Variants in NAXD observed in about 807,000 individuals in gnomAD.
NAXD encodes the protein ATP-dependent (S)-NAD(P)H-hydrate dehydratase.
Under a neutral mutation model 35.8 loss-of-function variants are expected in NAXD, and 22 were observed. The observed-to-expected ratio is 0.62, with a 90% CI of 0.44 to 0.88. NAXD has a LOEUF of 0.88. Among genes scored for constraint, NAXD ranks in the 40% least tolerant of loss-of-function variants. The pLI, the probability that NAXD is intolerant of heterozygous loss-of-function variation, is 0.00. For synonymous variants in NAXD, 189 were observed against 177.6 expected, an observed-to-expected ratio of 1.06 and a Z score of -0.51; for missense variants, 428 against 437.7, an observed-to-expected ratio of 0.98 and a Z score of 0.20.
At chr13:110,636,889 A>G (rs183149251) in intron 8 of NAXD, among the ~76,000 whole-genome samples, 1 of 152,322 alleles carries the variant, frequency 6.6e-6, no homozygotes, top group Non-Finnish European at 1.5e-5. Context: ...TGTGCTACAC[A>G]GCGGGGTCTG....
At chr13:110,624,002 CA>C (rs58510281) in intron 2 of NAXD, among the ~76,000 whole-genome samples, 21,497 of 103,128 alleles carry the variant, frequency 0.21, 1,766 homozygotes, top group Admixed American at 0.33. Context: ...AACTCTGTCT[CA>C]AAAAAAAAAA....
chr13:110,635,853 T>C (rs529280354), intron 8 of NAXD, among the ~76,000 whole-genome samples: 1 of 152,380 alleles, frequency 6.6e-6, no homozygotes, highest in East Asian at 1.9e-4. Flanking sequence ...GCCTCAGTTA[T>C]GAGAAGCAGT....
intron 5 of NAXD, among the ~76,000 whole-genome samples, chr13:110,632,020 G>A (rs78587540): frequency 0.1 from 15,967 of 152,144 alleles, 1,006 homozygotes; most frequent in Middle Eastern, 0.16. Flanking sequence ...GTCCAGAATT[G>A]GTGGGTTCTT....
intron 1 of NAXD, chr13:110,615,863 C>T: frequency 8.7e-7 from 1 of 1,148,672 alleles, no homozygotes; most frequent in Non-Finnish European, 1.1e-6. Context: ...CGCCGTGTGG[C>T]CTGCGGGGCG....
At position 110,634,785 on chromosome 13, in the gene NAXD, G is replaced by T; in HGVS notation, c.597+9G>T. 1.2e-6 allele frequency: 2 copies of T among 1,604,596 alleles called. No homozygotes were observed. The highest frequency in any genetic ancestry group is 1.3e-5 in the African/African-American group (1 of 74,874). On this transcript the variant is annotated intron_variant, in intron 7 of 9. Coordinates refer to ENST00000680254, the MANE Select transcript of NAXD (RefSeq NM_001242882.2). ...GACTGTATGACGCTGTGGTGAGTCA[G>T]TGGACCCCCTGGAGGGTAGATGCAA...
intron 1 of NAXD, among the ~76,000 whole-genome samples, chr13:110,619,033 C>T (rs898428232): frequency 2.0e-5 from 3 of 152,176 alleles, no homozygotes; most frequent in African/African-American, 7.2e-5. Flanking sequence ...GAGTGCTGGG[C>T]GACACTGGTT....
intron 5 of NAXD, among the ~76,000 whole-genome samples, chr13:110,632,613 G>A (rs933960090): frequency 6.6e-6 from 1 of 152,060 alleles, no homozygotes; most frequent in Non-Finnish European, 1.5e-5. Context: ...GGTTCTCCAA[G>A]GCCCCACCAG....
intron 5 of NAXD, among the ~76,000 whole-genome samples, chr13:110,633,836 G>A (rs61970489): frequency 0.11 from 17,059 of 151,406 alleles, 1,060 homozygotes; most frequent in Middle Eastern, 0.16. Flanking sequence ...GTTTATTATT[G>A]TTGTTATTTT....
Position 110,625,224 on chromosome 13 carries a change from C to G in NAXD, c.278C>G (p.Ala93Gly). The G allele has an allele frequency of 6.2e-7, 1 of 1,613,854 alleles. No individual in the cohort carries two copies. Among genetic ancestry groups the G allele is most frequent in the Non-Finnish European group, 8.5e-7 (1 of 1,179,852 alleles). Residue 93 changes from alanine (A) to glycine (G), a missense_variant, in exon 4 of 10, where the codon GCG becomes GGG. Coordinates refer to ENST00000680254, the MANE Select transcript of NAXD (RefSeq NM_001242882.2). ...ADLSHVFCASAAAPVIKAYSP... is the reference protein window; with the variant it reads ...ADLSHVFCASGAAPVIKAYSP... The stretch of plus-strand genomic sequence containing the variant: ...TTGTCCCACGTGTTCTGTGCCAGTG[C>G]GGCCGCACCTGTGATTAAGGCCTAC...
intron 8 of NAXD, among the ~76,000 whole-genome samples, chr13:110,636,235 G>C (rs1197063322): frequency 6.6e-6 from 1 of 152,262 alleles, no homozygotes; most frequent in East Asian, 1.9e-4. Flanking sequence ...ATGATGGGCA[G>C]CGAATGTGCT....
Position 110,622,401 on chromosome 13 carries a change from AG to A in NAXD, c.197+36del, listed in dbSNP as rs1566614575. On this transcript the variant is annotated intron_variant, in intron 2 of 9. Transcript: ENST00000680254. ...TGATGTGCAGTGTTGGTGTTTAAAA[AG>A]TCAGTTGCTGGCTGGCTGCTTACCT... is the stretch of plus-strand genomic sequence containing the variant. 1.9e-6 allele frequency: 3 copies of A among 1,605,106 alleles called. No individual in the cohort carries two copies. The East Asian group carries it at 6.7e-5, about 36-fold the overall frequency.
intron 1 of NAXD, among the ~76,000 whole-genome samples, chr13:110,617,084 TTTA>T (rs1262905259): frequency 6.6e-6 from 1 of 152,188 alleles, no homozygotes; most frequent in Non-Finnish European, 1.5e-5. Flanking sequence ...TGGTTGAGGA[TTTA>T]TTATCAGACT....
At chr13:110,626,941 A>G (rs1023173555) in intron 4 of NAXD, among the ~76,000 whole-genome samples, 1 of 152,184 alleles carries the variant, frequency 6.6e-6, no homozygotes, top group Non-Finnish European at 1.5e-5. Context: ...CTTTACAGCC[A>G]CACATGTATG....
intron 1 of NAXD, chr13:110,615,850 G>A: frequency 8.2e-7 from 1 of 1,219,168 alleles, no homozygotes; most frequent in Non-Finnish European, 1.0e-6. Context: ...CGCGGGGCCG[G>A]GGCGCCGTGT....
At position 110,634,595 on chromosome 13, in the gene NAXD, G is replaced by A. The variant is rs768098549; in HGVS notation, c.492G>A (p.Ala164=). The A allele has an allele frequency of 8.1e-6, 13 of 1,614,070 alleles. No individual in the cohort carries two copies. The highest frequency in any genetic ancestry group is 2.7e-5 in the African/African-American group (2 of 74,930). ...KARDIPVVID[A]DGLWLVAQQP... ...GGGACATCCCTGTTGTCATCGACGCGGTGAGTTGACTTCTCTCCTCCTGGC... is the reference window on the plus strand; with the variant it reads ...GGGACATCCCTGTTGTCATCGACGCAGTGAGTTGACTTCTCTCCTCCTGGC... The change falls in exon 6 of 10, where the codon GCG becomes GCA. Residue 164 remains alanine (A), a splice_region_variant and synonymous_variant. Transcript: ENST00000680254.
intron 5 of NAXD, among the ~76,000 whole-genome samples, chr13:110,634,260 G>A (rs179356): frequency 0.21 from 31,233 of 152,144 alleles, 3,713 homozygotes; most frequent in African/African-American, 0.33. Context: ...CACAGACTGG[G>A]TAATTGATAA....
In NAXD at chr13:110,637,198, T is replaced by G; in HGVS notation, c.788T>G (p.Leu263Arg). 1.2e-6 allele frequency: 2 copies of G among 1,614,074 alleles called. No individual in the cohort carries two copies. The highest frequency in any genetic ancestry group is 2.2e-5 in the South Asian group (2 of 91,080). ...GGQGDLLSGS[L>R]GVLVHWALLA... is the part of the protein sequence containing the mutation. ...CAAGGGGACCTCCTGTCGGGCTCCCTGGGCGTCCTGGTACACTGGGCGCTC... is the reference window on the plus strand; with the variant it reads ...CAAGGGGACCTCCTGTCGGGCTCCCGGGGCGTCCTGGTACACTGGGCGCTC... Residue 263 changes from leucine to arginine, a missense_variant, in exon 9 of 10, where the codon CTG becomes CGG. Physicochemically the swap from Leu to Arg is moderately radical, Grantham distance 102 (BLOSUM62 -2). Coordinates refer to ENST00000680254, the MANE Select transcript of NAXD (RefSeq NM_001242882.2).
rs368699816 is a variant in NAXD, at chr13:110,634,528, G to C, written c.442-17G>C. The C allele has an allele frequency of 1.2e-6, 2 of 1,613,884 alleles. No individual in the cohort carries two copies. Among genetic ancestry groups the C allele is most frequent in the African/African-American group, 2.7e-5 (2 of 74,922 alleles). The stretch of plus-strand genomic sequence containing the variant: ...AGCAGCAGGCATGGTGCTCAGTCTG[G>C]TTTTCTCTTCTGGCAGGGCATTTTG... On this transcript the variant is annotated splice_polypyrimidine_tract_variant and intron_variant, in intron 5 of 9. Transcript: ENST00000680254.
In NAXD at chr13:110,630,717, G is replaced by A. The variant is rs11841212; in HGVS notation, c.441+3170G>A. ...TGGTGTGGTAGGAGGAGGCTCCAGCGTCAGTCTTTTGCTTGTGGGTGTCCA... is the reference window on the plus strand; with the variant it reads ...TGGTGTGGTAGGAGGAGGCTCCAGCATCAGTCTTTTGCTTGTGGGTGTCCA... On this transcript the variant is annotated intron_variant, in intron 5 of 9. Transcript: ENST00000680254. Among the ~76,000 whole-genome samples the A allele has an allele frequency of 2.9e-3, 445 of 152,250 alleles. 1 individual carries two copies. Among genetic ancestry groups the A allele is most frequent in the African/African-American group, 1.0e-2 (415 of 41,542 alleles).
Sources: allele counts gnomAD v4.1 joint callset (sites outside exome capture counted in the v4.1 genomes callset), GRCh38; gene constraint gnomAD v4.1.1; transcripts MANE v1.5; gene names NCBI Gene and HGNC (gene_info 2026-07-23, HGNC 2026-07-21).